SMIM35: variants seen among roughly 807,000 people sequenced by gnomAD.
The protein encoded by SMIM35 is TMPRSS4 antisense RNA 1 (non-protein coding).
chr11:118,049,471 C>A (rs1220468216), intron 1 of SMIM35, among the ~76,000 whole-genome samples: 1 of 151,234 alleles, frequency 6.6e-6, no homozygotes, highest in Non-Finnish European at 1.5e-5. Flanking sequence ...GCCTCAGCCT[C>A]CTGAGTAGCT....
intron 1 of SMIM35, among the ~76,000 whole-genome samples, chr11:118,085,143 C>CA (rs561961492): frequency 7.4e-4 from 113 of 152,200 alleles, no homozygotes; most frequent in Non-Finnish European, 1.4e-3. Flanking sequence ...ACCCACATTC[C>CA]AAAGAAGGAA....
intron 4 of SMIM35, among the ~76,000 whole-genome samples, chr11:118,008,782 A>T (rs1254209828): frequency 2.0e-5 from 3 of 152,236 alleles, no homozygotes; most frequent in Admixed American, 6.5e-5. Flanking sequence ...AGCCATGCAA[A>T]GTACCGTGGA....
intron 1 of SMIM35, among the ~76,000 whole-genome samples, chr11:118,069,275 A>G (rs1944534801): frequency 6.6e-6 from 1 of 152,236 alleles, no homozygotes; most frequent in Admixed American, 6.5e-5. Flanking sequence ...AACACAGAGT[A>G]GAATGTCAGT....
chr11:118,067,755 C>T (rs1324983810), intron 1 of SMIM35, among the ~76,000 whole-genome samples: 2 of 150,216 alleles, frequency 1.3e-5, no homozygotes, highest in Non-Finnish European at 3.0e-5. Flanking sequence ...TCGCTTGAAC[C>T]CGGGAGATGG....
At chr11:118,028,481 C>G (rs1176438940) in intron 1 of SMIM35, among the ~76,000 whole-genome samples, 1 of 152,162 alleles carries the variant, frequency 6.6e-6, no homozygotes, top group Non-Finnish European at 1.5e-5. Context: ...TAGTTGATGA[C>G]AGGATTCCAG....
intron 1 of SMIM35, among the ~76,000 whole-genome samples, chr11:118,035,848 A>AT (rs2135067220): frequency 1.3e-5 from 2 of 152,248 alleles, no homozygotes; most frequent in East Asian, 3.9e-4. Flanking sequence ...TTCTGGATGG[A>AT]TATAGGGACT....
intron 1 of SMIM35, among the ~76,000 whole-genome samples, chr11:118,021,053 T>TTTTTTTTTGTTTTTG (rs202082772): frequency 2.7e-5 from 4 of 150,174 alleles, no homozygotes; most frequent in Non-Finnish European, 4.4e-5. Flanking sequence ...TAAGGTTTTT[T>TTTTTTTTTGTTTTTG]TTTTTACTAT....
At chr11:118,007,652 C>T (rs894784322) in intron 4 of SMIM35, among the ~76,000 whole-genome samples, 4 of 152,062 alleles carry the variant, frequency 2.6e-5, no homozygotes, top group African/African-American at 9.7e-5. Flanking sequence ...CCTTGGCCTC[C>T]CAAAGTGCTG....
At chr11:118,029,549 C>T (rs147668125) in intron 1 of SMIM35, 4 of 433,350 alleles carry the variant, frequency 9.2e-6, no homozygotes, top group African/African-American at 6.0e-5. Flanking sequence ...TAGAGAGAGG[C>T]TACAAGGCTG....
intron 1 of SMIM35, chr11:118,077,410 C>T: frequency 7.3e-7 from 1 of 1,361,506 alleles, no homozygotes; most frequent in Non-Finnish European, 9.9e-7. Flanking sequence ...TCTGTGACAC[C>T]TTCTAGGTTA....
At chr11:118,033,412 G>T (rs606683) in intron 1 of SMIM35, among the ~76,000 whole-genome samples, 1 of 152,080 alleles carries the variant, frequency 6.6e-6, no homozygotes, top group African/African-American at 2.4e-5. Flanking sequence ...AGACTTAGAG[G>T]CTTTCAACAC....
At chr11:118,080,116 C>T (rs1326983681) in intron 1 of SMIM35, among the ~76,000 whole-genome samples, 1 of 152,196 alleles carries the variant, frequency 6.6e-6, no homozygotes, top group African/African-American at 2.4e-5. Flanking sequence ...AGGTTTCACC[C>T]TGCAGGTGCT....
chr11:118,042,068 A>AGAGAG (rs377312959), intron 1 of SMIM35, among the ~76,000 whole-genome samples: 1,353 of 117,870 alleles, frequency 0.011, 13 homozygotes, highest in Non-Finnish European at 0.018. Context: ...AAAAAAAAAA[A>AGAGAG]AGAGAGAGAG....
intron 4 of SMIM35, among the ~76,000 whole-genome samples, chr11:118,012,910 G>A (rs950784075): frequency 2.6e-5 from 4 of 152,234 alleles, no homozygotes; most frequent in Non-Finnish European, 4.4e-5. Flanking sequence ...ACATAAAGAA[G>A]CTCCCTGCTG....
At chr11:118,027,754 A>C (rs1176287165) in intron 1 of SMIM35, among the ~76,000 whole-genome samples, 1 of 152,170 alleles carries the variant, frequency 6.6e-6, no homozygotes, top group Non-Finnish European at 1.5e-5. Context: ...AGGGAGGCAC[A>C]CATCCACATT....
At chr11:118,025,221 A>G (rs2058265345) in intron 1 of SMIM35, among the ~76,000 whole-genome samples, 1 of 152,208 alleles carries the variant, frequency 6.6e-6, no homozygotes, top group African/African-American at 2.4e-5. Flanking sequence ...ATAGTGCTGC[A>G]ATGAACATAT....
intron 1 of SMIM35, among the ~76,000 whole-genome samples, chr11:118,052,373 G>A (rs1401074625): frequency 6.6e-6 from 1 of 152,150 alleles, no homozygotes; most frequent in African/African-American, 2.4e-5. Context: ...GCAGGCTGGG[G>A]CCCTGCAGGG....
At chr11:118,080,755 T>A (rs1350168912) in intron 1 of SMIM35, among the ~76,000 whole-genome samples, 1 of 152,104 alleles carries the variant, frequency 6.6e-6, no homozygotes, top group East Asian at 1.9e-4. Flanking sequence ...GCCGACAAGC[T>A]TCCCAAAGCC....
At position 118,015,753 on chromosome 11, in the gene SMIM35, G is replaced by A. The variant is rs1290488896; in HGVS notation, c.64C>T (p.Leu22Phe). The A allele has an allele frequency of 1.0e-5, 4 of 399,510 alleles. No individual in the cohort carries two copies. The highest frequency in any genetic ancestry group is 8.2e-5 in the African/African-American group (4 of 48,632). The allele number at this position is 399,510 out of a possible 1,614,324, so 24.7% of individuals were successfully genotyped here. A position where few individuals can be genotyped will look rare whatever the true frequency, so the allele number is the denominator to read the frequency against. The change falls in exon 2 of 5, where the codon CTC becomes TTC. Residue 22 changes from leucine (L) to phenylalanine (F), a missense_variant. Transcript: ENST00000689828. ...LILGVGLLLL[L>F]VSILGYSLAK... is the part of the protein sequence containing the mutation. Reference sequence around the variant, plus strand: ...AGGCTGTAGCCGAGGATGGACACGAGCAGCAGCAAGAGCCCCACGCCAAGG... The same window carrying A: ...AGGCTGTAGCCGAGGATGGACACGAACAGCAGCAAGAGCCCCACGCCAAGG...
Sources: gnomAD v4.1 joint callset for allele counts (sites outside exome capture counted in the v4.1 genomes callset) on GRCh38, gnomAD v4.1.1 for gene constraint, MANE v1.5 for transcripts, NCBI Gene and HGNC (gene_info 2026-07-23, HGNC 2026-07-21) for gene names.